Variants in CDH8 observed in about 807,000 individuals in gnomAD.
CDH8 encodes the protein cadherin 8, also known as cadherin-8.
CDH8 carries 17 observed loss-of-function variants against 68.1 expected under a neutral mutation model. The ratio of observed to expected loss-of-function variants is 0.25; its 90% confidence interval spans 0.17 to 0.37. The LOEUF is 0.37. CDH8 is among the 10% of genes least tolerant of loss of function. CDH8 has a pLI of 1.00. For synonymous variants in CDH8, 372 were observed against 365.1 expected (o/e 1.02, Z -0.21); for missense variants, 763 against 999.3 (o/e 0.76, Z 3.19).
chr16:61,959,037 T>C (rs1287648358), intron 2 of CDH8, among the ~76,000 whole-genome samples: 1 of 152,170 alleles, frequency 6.6e-6, no homozygotes, highest in African/African-American at 2.4e-5. Flanking sequence ...ATCCTTTCTC[T>C]CATTTGGCCA....
chr16:62,025,456 C>G (rs1463582614), intron 1 of CDH8, among the ~76,000 whole-genome samples: 1 of 152,044 alleles, frequency 6.6e-6, no homozygotes, highest in African/African-American at 2.4e-5. Flanking sequence ...GAGTGCTATT[C>G]CCGTGCAACT....
At chr16:61,916,379 G>C (rs190395831) in intron 2 of CDH8, among the ~76,000 whole-genome samples, 146 of 152,228 alleles carry the variant, frequency 9.6e-4, no homozygotes, top group Middle Eastern at 3.4e-3. Context: ...GCTGGGTGTG[G>C]TGGCGCATGC....
chr16:61,775,337 GAGA>G, intron 8 of CDH8, among the ~76,000 whole-genome samples: 1 of 152,226 alleles, frequency 6.6e-6, no homozygotes, highest in East Asian at 1.9e-4. Flanking sequence ...GCATTATCCT[GAGA>G]AGAACATTCT....
At chr16:62,021,928 G>A (rs1597131651) in intron 1 of CDH8, among the ~76,000 whole-genome samples, 1 of 151,300 alleles carries the variant, frequency 6.6e-6, no homozygotes, top group Non-Finnish European at 1.5e-5. Flanking sequence ...CTCCTCCTCT[G>A]TCCATCCCTT....
chr16:61,699,928 T>G (rs561533598), intron 10 of CDH8, among the ~76,000 whole-genome samples: 1 of 152,358 alleles, frequency 6.6e-6, no homozygotes, highest in South Asian at 2.1e-4. Context: ...CTGCTTCTTT[T>G]CATAAGCCAA....
chr16:61,727,409 T>C lies in CDH8; in HGVS notation c.1415-194A>G, dbSNP rs1056510110. 2.0e-5 allele frequency among the ~76,000 whole-genome samples: 3 copies of C among 151,106 alleles called. No homozygotes were observed. The East Asian group carries it at 5.8e-4, about 29-fold the overall frequency. On this transcript the variant is annotated intron_variant, in intron 8 of 11. Coordinates refer to ENST00000577390, the MANE Select transcript of CDH8 (RefSeq NM_001796.5). ...TGCTTTAAAAAAAAGCATAAATTGT[T>C]ATTTCAAACACCATTTGCTGAGTTT...
intron 1 of CDH8, among the ~76,000 whole-genome samples, chr16:62,030,728 T>TA (rs897502631): frequency 2.0e-5 from 3 of 152,238 alleles, no homozygotes; most frequent in East Asian, 3.9e-4. Context: ...TTGATGTACA[T>TA]AAAAAAGAGT....
At chr16:61,970,473 A>G (rs1223008923) in intron 2 of CDH8, among the ~76,000 whole-genome samples, 1 of 152,232 alleles carries the variant, frequency 6.6e-6, no homozygotes, top group Non-Finnish European at 1.5e-5. Context: ...AAAATGTTAC[A>G]TTGTACGCCT....
chr16:61,767,018 GC>G (rs567333616), intron 8 of CDH8, among the ~76,000 whole-genome samples: 35 of 152,080 alleles, frequency 2.3e-4, no homozygotes, highest in African/African-American at 8.4e-4. Context: ...ATTCTATGCA[GC>G]AAGCCATCAG....
chr16:61,960,689 C>T (rs977262951), intron 2 of CDH8, among the ~76,000 whole-genome samples: 11 of 152,066 alleles, frequency 7.2e-5, no homozygotes, highest in Admixed American at 5.9e-4. Flanking sequence ...GTTTGCTTAC[C>T]TGTTGCCCTC....
chr16:61,647,960 G>A lies in CDH8; in HGVS notation c.*5648C>T, dbSNP rs761050479. 3.0e-6 allele frequency: 2 copies of A among 656,424 alleles called. No homozygotes were observed. The highest frequency in any genetic ancestry group is 5.5e-6 in the Non-Finnish European group (2 of 362,550). The allele number at this position is 656,424 out of a possible 1,614,324, so 40.7% of individuals were successfully genotyped here. A position where few individuals can be genotyped will look rare whatever the true frequency, so the allele number is the denominator to read the frequency against. On this transcript the variant is annotated 3_prime_UTR_variant, in exon 12 of 12. Coordinates refer to ENST00000577390, the MANE Select transcript of CDH8 (RefSeq NM_001796.5). ...TGCAAGAAATAATACTTGCATTCAAGATGTGAATTAGATGGTGGCAGGTAA... is the reference window on the plus strand; with the variant it reads ...TGCAAGAAATAATACTTGCATTCAAAATGTGAATTAGATGGTGGCAGGTAA...
At chr16:61,657,181 T>C (rs1283580221) in intron 10 of CDH8, among the ~76,000 whole-genome samples, 1 of 152,038 alleles carries the variant, frequency 6.6e-6, no homozygotes, top group Admixed American at 6.5e-5. Context: ...ATCCTATTGG[T>C]TTCCAAAATA....
At chr16:61,800,124 G>A (rs1961587482) in intron 7 of CDH8, among the ~76,000 whole-genome samples, 1 of 152,142 alleles carries the variant, frequency 6.6e-6, no homozygotes, top group Admixed American at 6.5e-5. Context: ...TGCCTAGGCT[G>A]GTGGTCTCTC....
intron 10 of CDH8, 57 bp downstream of exon 10, chr16:61,713,784 T>C (rs1964672353): frequency 2.2e-6 from 2 of 900,430 alleles, no homozygotes; most frequent in South Asian, 2.8e-5. Flanking sequence ...TGTTATGAAA[T>C]TGCATCCTAT....
intron 8 of CDH8, among the ~76,000 whole-genome samples, chr16:61,788,246 TACAA>T (rs1195250052): frequency 3.3e-5 from 5 of 152,164 alleles, no homozygotes; most frequent in South Asian, 2.1e-4. Flanking sequence ...CTTTTTTAAA[TACAA>T]ACAAAGTAAT....
At chr16:61,823,542 A>C (rs2143001139) in intron 5 of CDH8, among the ~76,000 whole-genome samples, 1 of 151,848 alleles carries the variant, frequency 6.6e-6, no homozygotes, top group Non-Finnish European at 1.5e-5. Flanking sequence ...GGCTACCATC[A>C]CCTTTTATGT....
intron 2 of CDH8, among the ~76,000 whole-genome samples, chr16:62,012,805 A>AT (rs528704334): frequency 0.011 from 1,597 of 152,034 alleles, 15 homozygotes; most frequent in Admixed American, 0.02. Flanking sequence ...TAACTCCTCA[A>AT]TTTTTTTTAA....
intron 10 of CDH8, among the ~76,000 whole-genome samples, chr16:61,659,448 G>T (rs1316845133): frequency 1.3e-5 from 2 of 152,166 alleles, no homozygotes; most frequent in African/African-American, 4.8e-5. Context: ...GGAAAGGTGG[G>T]ACGTCAGACA....
At chr16:61,943,950 A>G (rs1964762417) in intron 2 of CDH8, among the ~76,000 whole-genome samples, 1 of 152,202 alleles carries the variant, frequency 6.6e-6, no homozygotes, top group Non-Finnish European at 1.5e-5. Context: ...AAGCCAGTGG[A>G]AGAAAACTCT....
Sources: gnomAD v4.1 joint callset for allele counts (sites outside exome capture counted in the v4.1 genomes callset) on GRCh38, gnomAD v4.1.1 for gene constraint, MANE v1.5 for transcripts, NCBI Gene and HGNC (gene_info 2026-07-23, HGNC 2026-07-21) for gene names.